Variants in ADCK1 observed in about 807,000 individuals in gnomAD.
The protein encoded by ADCK1 is aarF domain containing kinase 1.
ADCK1 carries 41 observed loss-of-function variants against 52.3 expected under a neutral mutation model. The ratio of observed to expected loss-of-function variants is 0.78; its 90% CI spans 0.61 to 1.02. ADCK1 has a LOEUF of 1.02. Ranked by LOEUF, ADCK1 falls within the 50% of genes least tolerant of loss-of-function variation. The pLI, the probability that ADCK1 is intolerant of heterozygous loss-of-function variation, is 0.00. For synonymous variants in ADCK1, 250 were observed against 274.6 expected (o/e 0.91, Z 0.89); for missense variants, 658 against 679.5 (o/e 0.97, Z 0.35).
At chr14:77,840,859 G>A (rs956984068) in intron 3 of ADCK1, among the ~76,000 whole-genome samples, 2 of 146,510 alleles carry the variant, frequency 1.4e-5, no homozygotes, top group Non-Finnish European at 3.0e-5. Context: ...AAGAAAGAAG[G>A]GCAGCAGGGA....
At chr14:77,859,788 G>T (rs1396719294) in intron 4 of ADCK1, among the ~76,000 whole-genome samples, 1 of 152,326 alleles carries the variant, frequency 6.6e-6, no homozygotes, top group Admixed American at 6.5e-5. Flanking sequence ...ACGGGATAAT[G>T]AATAGAAGGT....
intron 2 of ADCK1, 49 bp downstream of exon 2, chr14:77,819,162 C>T (rs760480318): frequency 2.0e-5 from 33 of 1,610,006 alleles, no homozygotes; most frequent in Non-Finnish European, 2.4e-5. Context: ...GGATTACTTG[C>T]AGGTGTTCAT....
At chr14:77,831,179 C>A (rs111313311) in intron 3 of ADCK1, among the ~76,000 whole-genome samples, 12 of 152,282 alleles carry the variant, frequency 7.9e-5, no homozygotes, top group African/African-American at 2.4e-4. Flanking sequence ...AGCTGAAAAT[C>A]AATGCTTTGC....
intron 3 of ADCK1, among the ~76,000 whole-genome samples, chr14:77,840,529 T>C (rs928174137): frequency 7.9e-5 from 12 of 152,174 alleles, no homozygotes; most frequent in African/African-American, 2.9e-4. Context: ...TTCTGGATAA[T>C]CTCACTGTCA....
chr14:77,873,500 C>T (rs2140171713), intron 4 of ADCK1, among the ~76,000 whole-genome samples: 1 of 152,298 alleles, frequency 6.6e-6, no homozygotes, highest in Middle Eastern at 3.4e-3. Flanking sequence ...GGCAGTGTAG[C>T]CTGACCCCAG....
At position 77,931,547 on chromosome 14, in the gene ADCK1, C is replaced by T. The variant is rs746021046; in HGVS notation, c.1236C>T (p.Asn412=). 59 of 1,613,862 alleles carry T rather than the reference C, an allele frequency of 3.7e-5. No homozygotes were observed. The highest frequency in any genetic ancestry group is 4.8e-5 in the Non-Finnish European group (57 of 1,179,938). The change falls in exon 10 of 11, where the codon AAC becomes AAT. Residue 412 remains asparagine (N), a synonymous_variant. Coordinates refer to ENST00000238561, the MANE Select transcript of ADCK1 (RefSeq NM_020421.4). ...TAGAGATTCGCAACAACGCGGCCAA[C>T]TACCTCCCCCAGATCAGCCATCTCC... ...EDLEIRNNAA[N]YLPQISHLLN...
intron 3 of ADCK1, among the ~76,000 whole-genome samples, chr14:77,852,660 A>AATAAATATATATATATAT (rs1372819667): frequency 6.3e-5 from 2 of 31,728 alleles, no homozygotes; most frequent in African/African-American, 2.3e-4. Flanking sequence ...TAAATAAATA[A>AATAAATATATATATATAT]ATATATATAT....
chr14:77,870,284 T>C (rs188973838), intron 4 of ADCK1, among the ~76,000 whole-genome samples: 18 of 152,294 alleles, frequency 1.2e-4, no homozygotes, highest in African/African-American at 4.3e-4. Flanking sequence ...TCTGATGACA[T>C]CTCCACTCTT....
rs117665346 is a variant in ADCK1 at position 77,811,387 on chromosome 14, G to A, written c.-11-7581G>A. On this transcript the variant is annotated intron_variant, in intron 1 of 10. Transcript: ENST00000238561. ...CCCCTTTGTGTATGGACGAGATCAT[G>A]AGGTTCAGAGAGATTTAGCAGCTTG... 5.5e-4 allele frequency among the ~76,000 whole-genome samples: 83 copies of A among 152,232 alleles called. 2 individuals carry two copies. The East Asian group carries it at 0.015, about 28-fold the overall frequency.
chr14:77,887,032 C>T lies in ADCK1; in HGVS notation c.424-59C>T, dbSNP rs2083170145. ...CCCTGACTCTGGCCCATCTTCCTGGCTCCCTCTCACTGAACTGGGTCATCT... is the reference window on the plus strand; with the variant it reads ...CCCTGACTCTGGCCCATCTTCCTGGTTCCCTCTCACTGAACTGGGTCATCT... On this transcript the variant is annotated intron_variant, in intron 4 of 10. Coordinates refer to ENST00000238561, the MANE Select transcript of ADCK1 (RefSeq NM_020421.4). 4.7e-6 allele frequency: 7 copies of T among 1,486,974 alleles called. No homozygotes were observed. In the East Asian group the frequency reaches 1.5e-4, roughly 31 times the overall value. 92.1% of individuals were successfully genotyped at this position (1,486,974 alleles called of 1,614,324 possible).
chr14:77,815,799 G>A (rs2081436003), intron 1 of ADCK1, among the ~76,000 whole-genome samples: 1 of 147,152 alleles, frequency 6.8e-6, no homozygotes, highest in Non-Finnish European at 1.5e-5. Context: ...TTACAGGTGT[G>A]AGCCACCGCA....
At chr14:77,807,010 C>T (rs538168884) in intron 1 of ADCK1, among the ~76,000 whole-genome samples, 10 of 150,136 alleles carry the variant, frequency 6.7e-5, no homozygotes, top group East Asian at 3.9e-4. Context: ...CCACTGCGCC[C>T]GGCCTAAGAT....
chr14:77,815,851 T>C (rs2081438090), intron 1 of ADCK1, among the ~76,000 whole-genome samples: 1 of 146,938 alleles, frequency 6.8e-6, no homozygotes, highest in Non-Finnish European at 1.5e-5. Flanking sequence ...AGTCTCGTTC[T>C]GTTGCCCAAG....
intron 6 of ADCK1, among the ~76,000 whole-genome samples, chr14:77,906,149 G>C (rs908532855): frequency 2.0e-5 from 3 of 152,204 alleles, no homozygotes; most frequent in African/African-American, 7.2e-5. Context: ...GCTAGTCTAA[G>C]ACACAACAGT....
Position 77,859,187 on chromosome 14 carries a change from TAC to T in ADCK1, c.334_335del (p.Thr112GlnfsTer32). The T allele has an allele frequency of 1.2e-6, 2 of 1,613,720 alleles. No individual in the cohort carries two copies. The highest frequency in any genetic ancestry group is 1.7e-6 in the Non-Finnish European group (2 of 1,179,914). ...GALDYLLPEE[Y>X]TSTLKVLHSQ... ...TCTGGACTACCTGTTGCCAGAGGAGTACACCAGCACGCTGAAGGTACTGCACA... is the reference window on the plus strand; with the variant it reads ...TCTGGACTACCTGTTGCCAGAGGAGTACCAGCACGCTGAAGGTACTGCACA... On this transcript the variant is annotated frameshift_variant, in exon 4 of 11. Coordinates refer to ENST00000238561, the MANE Select transcript of ADCK1 (RefSeq NM_020421.4). LOFTEE classifies it high-confidence loss of function.
intron 3 of ADCK1, among the ~76,000 whole-genome samples, chr14:77,836,071 C>T (rs891176313): frequency 6.6e-6 from 1 of 152,172 alleles, no homozygotes; most frequent in African/African-American, 2.4e-5. Context: ...GGGCTCTGCC[C>T]TCATGAATGG....
intron 7 of ADCK1, among the ~76,000 whole-genome samples, chr14:77,915,248 A>T (rs1329900963): frequency 6.6e-6 from 1 of 150,946 alleles, no homozygotes; most frequent in East Asian, 2.0e-4. Flanking sequence ...TTAGTTACAT[A>T]TGTATACATG....
chr14:77,873,718 C>T (rs966244139), intron 4 of ADCK1, among the ~76,000 whole-genome samples: 2 of 152,210 alleles, frequency 1.3e-5, no homozygotes, highest in African/African-American at 4.8e-5. Context: ...TCCCCCTTCA[C>T]TGGGCACTCA....
In ADCK1 at chr14:77,807,067, C is replaced by CTTT. The variant is rs36088814; in HGVS notation, c.-12+6914_-12+6916dup. ...TTTTTTTTTTTTTTGGAGACAGAGT[C>CTTT]TTTTTTTTTTTTTTTTTTTGAGACG... On this transcript the variant is annotated intron_variant, in intron 1 of 10. Coordinates refer to ENST00000238561, the MANE Select transcript of ADCK1 (RefSeq NM_020421.4). 3.0e-3 allele frequency among the ~76,000 whole-genome samples: 253 copies of CTTT among 83,206 alleles called. 3 individuals carry two copies. The highest frequency in any genetic ancestry group is 3.6e-3 in the African/African-American group (69 of 19,100). 54.6% of individuals were successfully genotyped at this position (83,206 alleles called of 152,430 possible). A position where few individuals can be genotyped will look rare whatever the true frequency, so the allele number is the denominator to read the frequency against.
Sources: gnomAD v4.1 joint callset for allele counts (sites outside exome capture counted in the v4.1 genomes callset) on GRCh38, gnomAD v4.1.1 for gene constraint, MANE v1.5 for transcripts, NCBI Gene and HGNC (gene_info 2026-07-23, HGNC 2026-07-21) for gene names.